Variants in PPP1R12B observed in about 807,000 individuals in gnomAD.
PPP1R12B encodes myosin phosphatase target subunit 2.
Under a neutral mutation model 126.1 loss-of-function variants are expected in PPP1R12B, and 76 were observed. The ratio of observed to expected loss-of-function variants is 0.60; its 90% CI spans 0.50 to 0.73. PPP1R12B has a LOEUF of 0.73. PPP1R12B is among the 30% of genes least tolerant of loss of function. The probability of loss-of-function intolerance (pLI) is 0.00; values close to 1 mark genes in which losing one functional copy is unlikely to be tolerated. For synonymous variants in PPP1R12B, 356 were observed against 434.7 expected, an observed-to-expected ratio of 0.82 and a Z score of 2.25; for missense variants, 1,052 against 1,205.1, an observed-to-expected ratio of 0.87 and a Z score of 1.88.
intron 1 of PPP1R12B, among the ~76,000 whole-genome samples, chr1:202,353,937 T>C (rs2148375620): frequency 6.6e-6 from 1 of 152,044 alleles, no homozygotes; most frequent in Admixed American, 6.6e-5. Context: ...CAACTCCTGC[T>C]GAATAACTGT....
chr1:202,373,257 T>C (rs1660610367), intron 1 of PPP1R12B, among the ~76,000 whole-genome samples: 1 of 152,152 alleles, frequency 6.6e-6, no homozygotes, highest in South Asian at 2.1e-4. Flanking sequence ...CTTTTTGGTT[T>C]TGCCCCAAAG....
chr1:202,393,785 G>T (rs1664497427), intron 1 of PPP1R12B, among the ~76,000 whole-genome samples: 1 of 152,144 alleles, frequency 6.6e-6, no homozygotes, highest in African/African-American at 2.4e-5. Flanking sequence ...CCAGGTCTGG[G>T]CATGATGGCT....
At chr1:202,351,885 T>G (rs1235874688) in intron 1 of PPP1R12B, among the ~76,000 whole-genome samples, 1 of 152,172 alleles carries the variant, frequency 6.6e-6, no homozygotes, top group Non-Finnish European at 1.5e-5. Flanking sequence ...CCTTGATGCT[T>G]CTTTTGGACT....
chr1:202,519,399 G>A (rs1163302745), intron 18 of PPP1R12B, among the ~76,000 whole-genome samples: 1 of 151,886 alleles, frequency 6.6e-6, no homozygotes. Flanking sequence ...TGAGTAGCTG[G>A]GAGTATAGGT....
chr1:202,403,706 A>C (rs1187345431), intron 1 of PPP1R12B, among the ~76,000 whole-genome samples: 1 of 152,272 alleles, frequency 6.6e-6, no homozygotes, highest in African/African-American at 2.4e-5. Context: ...TGCTGCTCAA[A>C]TATAGTTCCT....
chr1:202,433,209 T>C (rs1312459501), intron 8 of PPP1R12B, among the ~76,000 whole-genome samples: 3 of 152,242 alleles, frequency 2.0e-5, no homozygotes, highest in Non-Finnish European at 2.9e-5. Flanking sequence ...AGTACTTACA[T>C]GTTCTAGGCT....
chr1:202,411,116 G>C (rs1011453401), intron 1 of PPP1R12B, among the ~76,000 whole-genome samples: 1 of 152,112 alleles, frequency 6.6e-6, no homozygotes, highest in African/African-American at 2.4e-5. Flanking sequence ...TGCTTCAGTC[G>C]TGAATGAGTC....
intron 1 of PPP1R12B, among the ~76,000 whole-genome samples, chr1:202,408,031 T>C (rs541171264): frequency 1.3e-5 from 2 of 152,362 alleles, no homozygotes; most frequent in Non-Finnish European, 2.9e-5. Context: ...TCTGGAAGGA[T>C]GTGCATAGGT....
At chr1:202,561,038 T>C (rs1687471564) in intron 19 of PPP1R12B, among the ~76,000 whole-genome samples, 1 of 150,670 alleles carries the variant, frequency 6.6e-6, no homozygotes, top group South Asian at 2.1e-4. Flanking sequence ...ATAAAAAAAA[T>C]AAAAGCCCTA....
At chr1:202,525,907 C>T (rs1389479671) in intron 18 of PPP1R12B, among the ~76,000 whole-genome samples, 1 of 152,202 alleles carries the variant, frequency 6.6e-6, no homozygotes, top group Non-Finnish European at 1.5e-5. Flanking sequence ...CCATGTTGAC[C>T]AGGCTGGTCT....
chr1:202,415,585 C>CTA (rs1667959553), intron 1 of PPP1R12B, among the ~76,000 whole-genome samples: 1 of 152,104 alleles, frequency 6.6e-6, no homozygotes, highest in Non-Finnish European at 1.5e-5. Flanking sequence ...GGCCTTCTAC[C>CTA]ACATTTTTAT....
intron 18 of PPP1R12B, among the ~76,000 whole-genome samples, chr1:202,509,156 A>G (rs1445489558): frequency 6.6e-6 from 1 of 152,132 alleles, no homozygotes; most frequent in Non-Finnish European, 1.5e-5. Context: ...CCAAATGTCA[A>G]TTTTCTCTCA....
chr1:202,437,771 G>T (rs772575103), intron 9 of PPP1R12B, 50 bp from the exon 10 acceptor site: 4 of 1,503,490 alleles, frequency 2.7e-6, no homozygotes, highest in South Asian at 1.2e-5. Context: ...GGCTGAGAAA[G>T]AATCATCAGA....
At chr1:202,432,159 A>C (rs763080274) in intron 8 of PPP1R12B, among the ~76,000 whole-genome samples, 7 of 152,190 alleles carry the variant, frequency 4.6e-5, no homozygotes, top group Admixed American at 3.3e-4. Flanking sequence ...GATTTCCTAA[A>C]CAGAATCCTA....
At chr1:202,499,545 A>G (rs1458437369) in intron 18 of PPP1R12B, among the ~76,000 whole-genome samples, 1 of 152,214 alleles carries the variant, frequency 6.6e-6, no homozygotes, top group African/African-American at 2.4e-5. Context: ...ATGAGCCACA[A>G]TGCCCAGCCA....
chr1:202,510,384 G>C (rs1259948622), intron 18 of PPP1R12B, among the ~76,000 whole-genome samples: 1 of 152,190 alleles, frequency 6.6e-6, no homozygotes, highest in Non-Finnish European at 1.5e-5. Flanking sequence ...AGGTGACATG[G>C]TGGTAGCGGG....
At chr1:202,480,866 A>G (rs201945614) in intron 13 of PPP1R12B, among the ~76,000 whole-genome samples, 1 of 152,224 alleles carries the variant, frequency 6.6e-6, no homozygotes, top group Non-Finnish European at 1.5e-5. Flanking sequence ...AAGGATTTCA[A>G]TGTAACAGAA....
At chr1:202,448,804 G>A (rs1000260826) in intron 12 of PPP1R12B, among the ~76,000 whole-genome samples, 185 bp from the exon 13 acceptor site, 1 of 152,194 alleles carries the variant, frequency 6.6e-6, no homozygotes, top group Non-Finnish European at 1.5e-5. Flanking sequence ...GGCAAAGGAT[G>A]TCAGACTAAA....
At chr1:202,353,862 C>T (rs187484898) in intron 1 of PPP1R12B, among the ~76,000 whole-genome samples, 4 of 152,192 alleles carry the variant, frequency 2.6e-5, no homozygotes, top group Admixed American at 1.3e-4. Context: ...ATCCTCCCCC[C>T]TCGGCCTCCC....
Sources: allele counts gnomAD v4.1 joint callset (sites outside exome capture counted in the v4.1 genomes callset), GRCh38; gene constraint gnomAD v4.1.1; transcripts MANE v1.5; gene names NCBI Gene and HGNC (gene_info 2026-07-23, HGNC 2026-07-21).